The following PRDM10 variants were observed in gnomAD, a reference collection of about 807,000 sequenced individuals.
PRDM10 encodes PR/SET domain 10, also known as PR domain zinc finger protein 10.
In PRDM10, 65 loss-of-function variants were observed where a neutral mutation model predicts 133.1. The ratio of observed to expected loss-of-function variants is 0.49; its 90% CI spans 0.40 to 0.60. PRDM10 has a LOEUF of 0.60. Ranked by LOEUF, PRDM10 falls within the 20% of genes least tolerant of loss-of-function variation. The pLI is 0.00. For synonymous variants in PRDM10, 582 were observed against 580.4 expected, an observed-to-expected ratio of 1.00 and a Z score of -0.04; for missense variants, 1,137 against 1,507.1, an observed-to-expected ratio of 0.75 and a Z score of 4.07.
intron 1 of PRDM10, among the ~76,000 whole-genome samples, chr11:129,976,990 T>C (rs555742893): frequency 6.6e-6 from 1 of 152,222 alleles, no homozygotes; most frequent in Admixed American, 6.5e-5. Context: ...TGACCTTGCC[T>C]GGCAAGGTTC....
rs1280233951 is a variant in PRDM10, at chr11:129,957,750, G to A, written c.230C>T (p.Ala77Val). 1 of 1,610,330 alleles carries A rather than the reference G, an allele frequency of 6.2e-7. No individual in the cohort carries two copies. Residue 77 changes from alanine to valine, a missense_variant, in exon 3 of 21, where the codon GCA (alanine) becomes GTA (valine). This residue lies in a region of PRDM10 where 635 missense variants were observed against 835.2 expected (regional missense o/e 0.76). Transcript: ENST00000360871. ...AACAGATAACCCTTCACATGCCTGT[G>A]CAGCTTCCACCGGGTGGATGTACAC... ...TLVYIHPVEA[A>V]QTLFTDPGQV...
intron 1 of PRDM10, among the ~76,000 whole-genome samples, chr11:130,000,458 G>C (rs1939289283): frequency 6.6e-6 from 1 of 152,186 alleles, no homozygotes; most frequent in Non-Finnish European, 1.5e-5. Context: ...ATTGAGTTGT[G>C]CTATCCTTTA....
Position 129,972,572 on chromosome 11 carries a change from T to C in PRDM10, c.-118-11490A>G, listed in dbSNP as rs1315188002. On this transcript the variant is annotated intron_variant, in intron 1 of 20. Coordinates refer to ENST00000360871, the MANE Select transcript of PRDM10 (RefSeq NM_199437.2). ...CTAGAACAACTTCTATTTTATAAAATCACGTCAAGTTCACAGCAAGCAAAA... is the reference window on the plus strand; with the variant it reads ...CTAGAACAACTTCTATTTTATAAAACCACGTCAAGTTCACAGCAAGCAAAA... 2.6e-5 allele frequency among the ~76,000 whole-genome samples: 4 copies of C among 152,158 alleles called. No homozygotes were observed. The East Asian group carries it at 5.8e-4, about 22-fold the overall frequency.
At chr11:129,970,152 A>C (rs941950769) in intron 1 of PRDM10, among the ~76,000 whole-genome samples, 1 of 152,234 alleles carries the variant, frequency 6.6e-6, no homozygotes, top group African/African-American at 2.4e-5. Flanking sequence ...CTGACATGTT[A>C]TGTTATAATA....
intron 17 of PRDM10, 83 bp from the exon 18 acceptor site, chr11:129,912,308 T>C: frequency 7.4e-7 from 1 of 1,348,656 alleles, no homozygotes; most frequent in Non-Finnish European, 9.9e-7. Flanking sequence ...AAGGTTCAGT[T>C]AAAAACAATA....
At position 129,957,826 on chromosome 11, in the gene PRDM10, T is replaced by G; in HGVS notation, c.154A>C (p.Thr52Pro). 6.2e-7 allele frequency: 1 copy of G among 1,614,230 alleles called. No individual in the cohort carries two copies. The highest frequency in any genetic ancestry group is 8.5e-7 in the Non-Finnish European group (1 of 1,180,028). ...QVRPPQQVVY[T>P]ADGASYTSVD... Reference sequence around the variant, plus strand: ...GATGTGTAGGAGGCACCATCTGCCGTGTACACCACCTGCTGTGGGGGGCGA... The same window carrying G: ...GATGTGTAGGAGGCACCATCTGCCGGGTACACCACCTGCTGTGGGGGGCGA... The change falls in exon 3 of 21, where the codon ACG becomes CCG. Residue 52 changes from threonine (T) to proline (P), a missense_variant. By Grantham distance (38) the Thr-to-Pro change is conservative (BLOSUM62 -1). Coordinates refer to ENST00000360871, the MANE Select transcript of PRDM10 (RefSeq NM_199437.2).
At chr11:129,952,231 A>G (rs1951599547) in intron 4 of PRDM10, among the ~76,000 whole-genome samples, 1 of 152,186 alleles carries the variant, frequency 6.6e-6, no homozygotes, top group Non-Finnish European at 1.5e-5. Flanking sequence ...ATGGCAACGA[A>G]GCCTTTAATT....
At chr11:129,940,156 A>C (rs574503104) in intron 7 of PRDM10, among the ~76,000 whole-genome samples, 10 of 152,368 alleles carry the variant, frequency 6.6e-5, no homozygotes, top group African/African-American at 2.4e-4. Flanking sequence ...AGTATGATGT[A>C]ATTTTAAAAT....
At chr11:129,983,922 G>A (rs906977472) in intron 1 of PRDM10, among the ~76,000 whole-genome samples, 2 of 152,090 alleles carry the variant, frequency 1.3e-5, no homozygotes, top group Non-Finnish European at 2.9e-5. Context: ...TACCCACACC[G>A]GAGGGAACCC....
intron 1 of PRDM10, among the ~76,000 whole-genome samples, chr11:130,001,869 C>T (rs1049029956): frequency 1.3e-5 from 2 of 151,946 alleles, no homozygotes; most frequent in African/African-American, 4.8e-5. Context: ...GGCCGCGACC[C>T]CGGCCTCGGC....
chr11:129,944,559 T>A (rs1222520659), intron 6 of PRDM10, among the ~76,000 whole-genome samples: 2 of 147,126 alleles, frequency 1.4e-5, no homozygotes, highest in Non-Finnish European at 3.0e-5. Context: ...CACTCCAGCC[T>A]GGGCGACAGA....
chr11:129,905,600 G>T (rs1222411054), intron 20 of PRDM10, 38 bp downstream of exon 20: 21 of 1,486,818 alleles, frequency 1.4e-5, no homozygotes, highest in Non-Finnish European at 1.7e-5. Flanking sequence ...AGCACCACAG[G>T]TTGGACAGGA....
chr11:129,963,893 T>C (rs972217292), intron 1 of PRDM10, among the ~76,000 whole-genome samples: 1 of 152,212 alleles, frequency 6.6e-6, no homozygotes, highest in African/African-American at 2.4e-5. Flanking sequence ...AATCCGGTAC[T>C]GCACACAGCA....
chr11:129,953,826 CAAAA>C (rs10542747), intron 4 of PRDM10, among the ~76,000 whole-genome samples: 894 of 73,308 alleles, frequency 0.012, 8 homozygotes, highest in African/African-American at 0.03. Context: ...TTTATAGTAG[CAAAA>C]AAAAAAAAAA....
At position 129,971,799 on chromosome 11, in the gene PRDM10, T is replaced by C. The variant is rs571647100; in HGVS notation, c.-118-10717A>G. ...GTGGATCCCGCACCGGGGCTGCAGGTGGAGCTGCCTGCCAGTCCCGTGCCG... is the reference window on the plus strand; with the variant it reads ...GTGGATCCCGCACCGGGGCTGCAGGCGGAGCTGCCTGCCAGTCCCGTGCCG... On this transcript the variant is annotated intron_variant, in intron 1 of 20. Coordinates refer to ENST00000360871, the MANE Select transcript of PRDM10 (RefSeq NM_199437.2). 8.5e-5 allele frequency among the ~76,000 whole-genome samples: 13 copies of C among 152,322 alleles called. No homozygotes were observed. In the East Asian group the frequency reaches 2.5e-3, roughly 29 times the overall value.
intron 1 of PRDM10, among the ~76,000 whole-genome samples, chr11:129,989,957 C>T (rs1938639783): frequency 6.6e-6 from 1 of 151,154 alleles, no homozygotes; most frequent in African/African-American, 2.4e-5. Flanking sequence ...AATCCCAGCA[C>T]CTTGAAAGGC....
chr11:129,997,151 G>A (rs1939107719), intron 1 of PRDM10, among the ~76,000 whole-genome samples: 3 of 152,162 alleles, frequency 2.0e-5, no homozygotes, highest in Admixed American at 1.3e-4. Context: ...TGGATTTTAC[G>A]TGTAGGTTAT....
intron 18 of PRDM10, among the ~76,000 whole-genome samples, chr11:129,911,680 A>T (rs1341810241): frequency 6.6e-6 from 1 of 152,166 alleles, no homozygotes; most frequent in African/African-American, 2.4e-5. Flanking sequence ...TCCCTCCTAA[A>T]CCTAATCTCT....
chr11:129,923,342 T>C lies in PRDM10; in HGVS notation c.1940A>G (p.Lys647Arg). Residue 647 changes from lysine (K) to arginine (R), a missense_variant, in exon 13 of 21, where the codon AAG (lysine) becomes AGG (arginine). Lys to Arg is a conservative substitution (Grantham distance 26, BLOSUM62 2). This residue lies in a region of PRDM10 where 635 missense variants were observed against 835.2 expected (regional missense o/e 0.76). Transcript: ENST00000360871. The surrounding 1 kb of genome is among the most constrained non-coding windows in gnomAD (Gnocchi z 4.4). ...EKIYQCTECDKAFCRPDKLRL... is the reference protein window; with the variant it reads ...EKIYQCTECDRAFCRPDKLRL... Reference sequence around the variant, plus strand: ...CAGTTTATCGGGGCGACAGAAGGCCTTGTCACACTCTGTGCACTGGTAGAT... The same window carrying C: ...CAGTTTATCGGGGCGACAGAAGGCCCTGTCACACTCTGTGCACTGGTAGAT... 6.2e-7 allele frequency: 1 copy of C among 1,612,466 alleles called. No individual in the cohort carries two copies. The highest frequency in any genetic ancestry group is 8.5e-7 in the Non-Finnish European group (1 of 1,179,382).
Sources: gnomAD v4.1 joint callset for allele counts (sites outside exome capture counted in the v4.1 genomes callset) on GRCh38, gnomAD v4.1.1 for gene constraint, gnomAD v4.1.1 regional missense constraint, Gnocchi (gnomAD v3.1) non-coding constraint, MANE v1.5 for transcripts, NCBI Gene and HGNC (gene_info 2026-07-23, HGNC 2026-07-21) for gene names.